RINT1: variants seen among roughly 807,000 people sequenced by gnomAD.
RINT1 encodes RAD50-interacting protein 1.
Under a neutral mutation model 97.7 loss-of-function variants are expected in RINT1, and 75 were observed. That is an observed-to-expected ratio of 0.77 (90% CI 0.64 to 0.93). The LOEUF (loss-of-function observed/expected upper bound fraction) is 0.93. RINT1 is among the 40% of genes least tolerant of loss of function. RINT1 has a pLI of 0.00. For synonymous variants in RINT1, 303 were observed against 326.3 expected, an observed-to-expected ratio of 0.93 and a Z score of 0.77; for missense variants, 892 against 925.2, an observed-to-expected ratio of 0.96 and a Z score of 0.47.
At chr7:105,542,119 A>G (rs1034934621) in intron 3 of RINT1, 3 of 238,816 alleles carry the variant, frequency 1.3e-5, no homozygotes, top group South Asian at 9.8e-5. Flanking sequence ...GAACTAATAA[A>G]AAAGGTTACA....
chr7:105,545,949 G>A (rs1334900698), intron 4 of RINT1, among the ~76,000 whole-genome samples: 1 of 129,684 alleles, frequency 7.7e-6, no homozygotes, highest in Non-Finnish European at 1.6e-5. Context: ...GATTACAGGT[G>A]CCCACCACCA....
At chr7:105,567,032 GAGA>G (rs1791788530) in intron 14 of RINT1, 84 bp from the exon 15 acceptor site, 2 of 765,222 alleles carry the variant, frequency 2.6e-6, no homozygotes, top group Non-Finnish European at 4.0e-6. Flanking sequence ...CAGCAGTGCA[GAGA>G]AGCTGTTTAG....
intron 11 of RINT1, among the ~76,000 whole-genome samples, chr7:105,556,970 G>C (rs1224278896): frequency 6.6e-6 from 1 of 152,108 alleles, no homozygotes; most frequent in Non-Finnish European, 1.5e-5. Flanking sequence ...GGTGCCCTTA[G>C]GTTAAGAATC....
intron 4 of RINT1, among the ~76,000 whole-genome samples, chr7:105,544,106 AAAAAC>A (rs1238286053): frequency 2.0e-5 from 3 of 151,886 alleles, no homozygotes; most frequent in Non-Finnish European, 4.4e-5. Flanking sequence ...GTCTCAAAAA[AAAAAC>A]AAAAAAAACA....
chr7:105,565,694 C>CA, intron 14 of RINT1, 46 bp downstream of exon 14: 1 of 1,292,550 alleles, frequency 7.7e-7, no homozygotes, highest in South Asian at 1.2e-5. Context: ...CAAATTGTTA[C>CA]AGGAGGCTAA....
chr7:105,564,429 G>A (rs1015313632), intron 12 of RINT1, among the ~76,000 whole-genome samples: 9 of 152,108 alleles, frequency 5.9e-5, no homozygotes, highest in Non-Finnish European at 7.4e-5. Flanking sequence ...TTAGTTGTTT[G>A]TAAATATATC....
intron 11 of RINT1, among the ~76,000 whole-genome samples, chr7:105,559,454 T>C (rs1206679358): frequency 2.1e-5 from 3 of 142,934 alleles, no homozygotes. Flanking sequence ...GACAGGAGAA[T>C]TGCATGAACC....
chr7:105,546,123 C>T (rs982327779), intron 4 of RINT1, among the ~76,000 whole-genome samples: 2 of 152,146 alleles, frequency 1.3e-5, no homozygotes, highest in Non-Finnish European at 2.9e-5. Flanking sequence ...GCCACCAAGC[C>T]CCGCCTGGAA....
At chr7:105,547,406 C>A (rs928584097) in intron 6 of RINT1, 73 bp downstream of exon 6, 38 of 1,504,698 alleles carry the variant, frequency 2.5e-5, no homozygotes, top group Non-Finnish European at 3.3e-5. Context: ...GAGAGTAAAA[C>A]TTTTTCAAAG....
intron 7 of RINT1, 87 bp downstream of exon 7, chr7:105,548,797 ACT>A (rs771913028): frequency 2.4e-6 from 3 of 1,265,120 alleles, no homozygotes; most frequent in South Asian, 1.5e-5. Context: ...TTAAAATCTG[ACT>A]CTCTTCACAT....
rs1482859420 is a variant in RINT1, at chr7:105,536,551, T to C, written c.89-14T>C. 5.2e-6 allele frequency: 8 copies of C among 1,543,184 alleles called. No individual in the cohort carries two copies. Among genetic ancestry groups the C allele is most frequent in the Non-Finnish European group, 7.0e-6 (8 of 1,136,344 alleles). ...ACTTAGTGGCGTTGAGTAATTGTTATTCTTTTGTTGTAGGTGACATAAATG... is the reference window on the plus strand; with the variant it reads ...ACTTAGTGGCGTTGAGTAATTGTTACTCTTTTGTTGTAGGTGACATAAATG... On this transcript the variant is annotated splice_polypyrimidine_tract_variant and intron_variant, in intron 2 of 14. Transcript: ENST00000257700.
Position 105,546,943 on chromosome 7 carries a change from T to C in RINT1, c.549T>C (p.Asn183=), listed in dbSNP as rs1060504810. 2.1e-5 allele frequency: 34 copies of C among 1,610,346 alleles called. No homozygotes were observed. Among genetic ancestry groups the C allele is most frequent in the Non-Finnish European group, 2.5e-5 (29 of 1,179,204 alleles). The change falls in exon 5 of 15, where the codon AAT becomes AAC. Residue 183 remains asparagine (N), a synonymous_variant. Coordinates refer to ENST00000257700, the MANE Select transcript of RINT1 (RefSeq NM_021930.6). The part of the protein sequence containing the change: ...DNIQQYLMTN[N]VPEAASTLVS... Reference sequence around the variant, plus strand: ...TTCAGCAATATCTGATGACCAATAATGTACCGGAGGCAGCCTCCACTCTAG... The same window carrying C: ...TTCAGCAATATCTGATGACCAATAACGTACCGGAGGCAGCCTCCACTCTAG...
chr7:105,563,342 T>TA (rs912326558), intron 11 of RINT1, among the ~76,000 whole-genome samples: 20 of 152,236 alleles, frequency 1.3e-4, no homozygotes, highest in African/African-American at 4.8e-4. Context: ...ACTGAATATA[T>TA]AAAAAAATCA....
chr7:105,542,464 A>G lies in RINT1; in HGVS notation c.330A>G (p.Ala110=), dbSNP rs374658950. Residue 110 remains alanine (A), a synonymous_variant, in exon 4 of 15, where the codon GCA becomes GCG. Transcript: ENST00000257700. The part of the protein sequence containing the change: ...PKRIRSALKN[A]EESKQFLNQF... ...GAATTCGAAGTGCCTTAAAAAATGC[A>G]GAAGAATCAAAGCAATTTCTTAATC... 129 of 1,613,460 alleles carry G rather than the reference A, an allele frequency of 8.0e-5. No individual in the cohort carries two copies. The highest frequency in any genetic ancestry group is 1.0e-4 in the Non-Finnish European group (118 of 1,179,512).
chr7:105,550,103 G>A lies in RINT1; in HGVS notation c.1045G>A (p.Glu349Lys). ...QVLMWIGNHT[E>K]FLDEKIQPIL... The stretch of plus-strand genomic sequence containing the variant: ...ACTTATGTGGATTGGAAACCATACT[G>A]AATTTCTGGATGAGAAGATTCAGCC... Residue 349 changes from glutamate (E) to lysine (K), a missense_variant, in exon 8 of 15, where the codon GAA (glutamate) becomes AAA (lysine). Glu to Lys is a moderately conservative substitution (Grantham distance 56, BLOSUM62 1). Transcript: ENST00000257700. 1 of 1,613,928 alleles carries A rather than the reference G, an allele frequency of 6.2e-7. No individual in the cohort carries two copies. Among genetic ancestry groups the A allele is most frequent in the Non-Finnish European group, 8.5e-7 (1 of 1,179,890 alleles).
At chr7:105,556,395 T>C (rs1791183524) in intron 11 of RINT1, among the ~76,000 whole-genome samples, 2 of 152,088 alleles carry the variant, frequency 1.3e-5, no homozygotes, top group Non-Finnish European at 2.9e-5. Context: ...AATTTTGTTT[T>C]ATTTAAACCT....
intron 11 of RINT1, 44 bp from the exon 12 acceptor site, chr7:105,563,689 T>TG (rs542131889): frequency 2.0e-6 from 3 of 1,473,952 alleles, no homozygotes; most frequent in African/African-American, 2.8e-5. Context: ...TTCAAACTGT[T>TG]AAAAAAAAAG....
At chr7:105,545,201 A>G (rs980123503) in intron 4 of RINT1, among the ~76,000 whole-genome samples, 1 of 151,874 alleles carries the variant, frequency 6.6e-6, no homozygotes, top group Non-Finnish European at 1.5e-5. Context: ...CCGTAGTCCT[A>G]GCACTTTGAG....
intron 2 of RINT1, chr7:105,535,678 A>G (rs1325507784): frequency 2.4e-6 from 1 of 421,772 alleles, no homozygotes; most frequent in Non-Finnish European, 4.7e-6. Flanking sequence ...ACCTCAGCCC[A>G]CCTGAGACTA....
Sources: allele counts gnomAD v4.1 joint callset (sites outside exome capture counted in the v4.1 genomes callset), GRCh38; gene constraint gnomAD v4.1.1; transcripts MANE v1.5; gene names NCBI Gene and HGNC (gene_info 2026-07-23, HGNC 2026-07-21).